CDH12: variants seen among roughly 807,000 people sequenced by gnomAD.
CDH12 encodes cadherin-12.
CDH12 carries 41 observed loss-of-function variants against 74.1 expected under a neutral mutation model. The observed-to-expected ratio is 0.55, with a 90% CI of 0.43 to 0.72. The LOEUF (loss-of-function observed/expected upper bound fraction) is 0.72, where lower values mean the gene tolerates loss of function less well. Among genes scored for constraint, CDH12 ranks in the 30% least tolerant of loss-of-function variants. CDH12 has a pLI of 0.00. For missense variants in CDH12, 945 were observed against 977.2 expected, an observed-to-expected ratio of 0.97 and a Z score of 0.44; for synonymous variants, 399 against 355.0, an observed-to-expected ratio of 1.12 and a Z score of -1.39.
intron 1 of CDH12, among the ~76,000 whole-genome samples, chr5:22,587,565 C>A (rs1248028620): frequency 2.6e-5 from 4 of 152,108 alleles, no homozygotes; most frequent in Admixed American, 6.6e-5. Context: ...ATGCTGGCAG[C>A]TAAATTATTT....
intron 1 of CDH12, among the ~76,000 whole-genome samples, chr5:22,723,569 A>G (rs889907187): frequency 1.3e-5 from 2 of 152,076 alleles, no homozygotes; most frequent in African/African-American, 4.8e-5. Flanking sequence ...CATTCCCCTT[A>G]TTCTAGACAG....
At chr5:21,922,964 A>G (rs1344093589) in intron 6 of CDH12, among the ~76,000 whole-genome samples, 3 of 151,846 alleles carry the variant, frequency 2.0e-5, no homozygotes, top group Non-Finnish European at 4.4e-5. Context: ...CTATATCTAT[A>G]TCTATATCTA....
intron 6 of CDH12, among the ~76,000 whole-genome samples, chr5:21,870,410 G>C (rs1402598681): frequency 1.3e-5 from 2 of 152,060 alleles, no homozygotes; most frequent in East Asian, 3.9e-4. Context: ...GAATTAAAAT[G>C]GCAGAAAAAA....
chr5:22,250,264 A>T (rs1388106359), intron 3 of CDH12, among the ~76,000 whole-genome samples: 1 of 152,128 alleles, frequency 6.6e-6, no homozygotes, highest in Non-Finnish European at 1.5e-5. Flanking sequence ...AACAAGAAAA[A>T]TTTCTTGTCA....
chr5:21,822,628 A>G (rs892477020), intron 8 of CDH12, among the ~76,000 whole-genome samples: 6 of 152,100 alleles, frequency 3.9e-5, no homozygotes, highest in Non-Finnish European at 7.4e-5. Flanking sequence ...TCTCTCAGTA[A>G]TAACAGAAAC....
At chr5:21,796,157 C>T (rs1040478276) in intron 10 of CDH12, among the ~76,000 whole-genome samples, 7 of 151,954 alleles carry the variant, frequency 4.6e-5, no homozygotes, top group Admixed American at 1.3e-4. Flanking sequence ...CCTTGACTTA[C>T]CATGAGGTTA....
intron 1 of CDH12, among the ~76,000 whole-genome samples, chr5:22,626,116 C>T (rs1171628262): frequency 1.3e-5 from 2 of 152,126 alleles, no homozygotes; most frequent in Non-Finnish European, 2.9e-5. Context: ...AGTACAAGTG[C>T]ATGCATACAT....
At chr5:22,604,486 ATAGTC>A (rs1484477107) in intron 1 of CDH12, among the ~76,000 whole-genome samples, 1 of 152,200 alleles carries the variant, frequency 6.6e-6, no homozygotes, top group African/African-American at 2.4e-5. Flanking sequence ...GCTCACTTTA[ATAGTC>A]TAGGCATCAA....
At chr5:21,836,879 T>A (rs953795165) in intron 8 of CDH12, among the ~76,000 whole-genome samples, 4 of 151,972 alleles carry the variant, frequency 2.6e-5, no homozygotes, top group Non-Finnish European at 5.9e-5. Flanking sequence ...TTATATAACT[T>A]CAGTTACCGC....
At chr5:21,961,760 C>T (rs1303330214) in intron 6 of CDH12, among the ~76,000 whole-genome samples, 2 of 152,094 alleles carry the variant, frequency 1.3e-5, no homozygotes, top group East Asian at 1.9e-4. Context: ...ATAAGGAACC[C>T]GTACCTTGAA....
intron 6 of CDH12, among the ~76,000 whole-genome samples, chr5:21,862,833 A>G (rs1751115495): frequency 6.6e-6 from 1 of 152,124 alleles, no homozygotes; most frequent in African/African-American, 2.4e-5. Context: ...TAGTAATTGC[A>G]TGTGCTCTTG....
intron 2 of CDH12, among the ~76,000 whole-genome samples, chr5:22,455,416 G>A (rs565532851): frequency 5.3e-5 from 8 of 152,172 alleles, no homozygotes; most frequent in South Asian, 2.1e-4. Flanking sequence ...AGCATTACCC[G>A]GGAAGGAAAG....
At position 21,788,105 on chromosome 5, in the gene CDH12, T is replaced by C. The variant is rs138280582; in HGVS notation, c.1257-4611A>G. Reference sequence around the variant, plus strand: ...ATGAGACATATAAAAATAAGTAAAGTATGATGCCCATCAGTGAAGACTTTA... The same window carrying C: ...ATGAGACATATAAAAATAAGTAAAGCATGATGCCCATCAGTGAAGACTTTA... On this transcript the variant is annotated intron_variant, in intron 10 of 14. Coordinates refer to ENST00000382254, the MANE Select transcript of CDH12 (RefSeq NM_004061.5). Among the ~76,000 whole-genome samples the C allele has an allele frequency of 1.4e-3, 216 of 152,298 alleles. No homozygotes were observed. In the Middle Eastern group the frequency reaches 0.017, roughly 12 times the overall value.
At chr5:22,259,583 A>G (rs1753441062) in intron 3 of CDH12, among the ~76,000 whole-genome samples, 1 of 152,088 alleles carries the variant, frequency 6.6e-6, no homozygotes, top group Non-Finnish European at 1.5e-5. Flanking sequence ...TTGTTGTCCA[A>G]TGAAACTATA....
At chr5:22,071,779 G>A (rs1580203315) in intron 5 of CDH12, among the ~76,000 whole-genome samples, 1 of 152,074 alleles carries the variant, frequency 6.6e-6, no homozygotes, top group African/African-American at 2.4e-5. Flanking sequence ...GGCATAGGAT[G>A]TTCAACACCA....
chr5:22,796,436 G>A (rs1041304185), intron 1 of CDH12, among the ~76,000 whole-genome samples: 12 of 151,826 alleles, frequency 7.9e-5, no homozygotes, highest in Admixed American at 2.6e-4. Flanking sequence ...TTATTAGTAG[G>A]ATGCTGAACA....
At chr5:22,707,592 G>A (rs1249832058) in intron 1 of CDH12, among the ~76,000 whole-genome samples, 1 of 151,892 alleles carries the variant, frequency 6.6e-6, no homozygotes, top group Non-Finnish European at 1.5e-5. Context: ...ACATTGAGAG[G>A]GTCCTTAGAA....
rs144710949 is a variant in CDH12 at position 21,775,612 on chromosome 5, A to G, written c.1393+7746T>C. Among the ~76,000 whole-genome samples the G allele has an allele frequency of 6.7e-3, 1,015 of 151,898 alleles. 15 individuals carry two copies. The highest frequency in any genetic ancestry group is 7.9e-3 in the Admixed American group (121 of 15,250). ...TGCCTTTGCTTAAAATGTTTCTTCAACCTAGAATGGCATCCTTCCTTCCAT... is the reference window on the plus strand; with the variant it reads ...TGCCTTTGCTTAAAATGTTTCTTCAGCCTAGAATGGCATCCTTCCTTCCAT... On this transcript the variant is annotated intron_variant, in intron 11 of 14. Transcript: ENST00000382254.
chr5:21,977,129 T>A (rs1757103922), intron 5 of CDH12, among the ~76,000 whole-genome samples: 1 of 152,006 alleles, frequency 6.6e-6, no homozygotes, highest in Non-Finnish European at 1.5e-5. Flanking sequence ...AAAAACCTGG[T>A]TGGGTAATAT....
Sources: allele counts gnomAD v4.1 joint callset (sites outside exome capture counted in the v4.1 genomes callset), GRCh38; gene constraint gnomAD v4.1.1; transcripts MANE v1.5; gene names NCBI Gene and HGNC (gene_info 2026-07-23, HGNC 2026-07-21).